STXBP6: variants seen among roughly 807,000 people sequenced by gnomAD.
The protein encoded by STXBP6 is syntaxin-binding protein 6.
STXBP6 carries 21 observed loss-of-function variants against 26.9 expected under a neutral mutation model. That is an observed-to-expected ratio of 0.78 (90% CI 0.55 to 1.12). STXBP6 has a LOEUF of 1.12. STXBP6 is among the 50% of genes most tolerant of loss of function. The probability of loss-of-function intolerance (pLI) is 0.00; values close to 1 mark genes in which losing one functional copy is unlikely to be tolerated. For synonymous variants in STXBP6, 97 were observed against 92.6 expected (o/e 1.05, Z -0.27); for missense variants, 232 against 257.9 (o/e 0.90, Z 0.69).
intron 1 of STXBP6, among the ~76,000 whole-genome samples, chr14:25,018,612 T>C (rs776385253): frequency 6.6e-6 from 1 of 152,184 alleles, no homozygotes; most frequent in Non-Finnish European, 1.5e-5. Flanking sequence ...AATGTTGGCA[T>C]AGCAGGAAAA....
chr14:25,035,091 C>T (rs1429797302), intron 1 of STXBP6, among the ~76,000 whole-genome samples: 2 of 149,430 alleles, frequency 1.3e-5, no homozygotes, highest in Non-Finnish European at 3.0e-5. Context: ...GCGGATGTTG[C>T]AGTGAGCCAA....
intron 2 of STXBP6, among the ~76,000 whole-genome samples, chr14:24,941,797 T>A (rs1020036288): frequency 6.6e-6 from 1 of 152,196 alleles, no homozygotes; most frequent in Non-Finnish European, 1.5e-5. Context: ...GAGAGTGCCA[T>A]TGCATGTTCT....
intron 4 of STXBP6, among the ~76,000 whole-genome samples, chr14:24,845,595 TA>T (rs1457272829): frequency 6.6e-6 from 1 of 152,174 alleles, no homozygotes; most frequent in South Asian, 2.1e-4. Flanking sequence ...GTATATCTTA[TA>T]AAAAATTAAA....
At chr14:24,852,965 T>C (rs1167784997) in intron 4 of STXBP6, among the ~76,000 whole-genome samples, 4 of 152,170 alleles carry the variant, frequency 2.6e-5, no homozygotes, top group Non-Finnish European at 5.9e-5. Context: ...TCTGATTCTG[T>C]TTCCTTCTCT....
At chr14:24,915,925 GCT>G (rs2071749459) in intron 2 of STXBP6, among the ~76,000 whole-genome samples, 1 of 152,064 alleles carries the variant, frequency 6.6e-6, no homozygotes, top group Non-Finnish European at 1.5e-5. Flanking sequence ...TTCTGAACCG[GCT>G]TTTTTAACAG....
chr14:24,854,316 A>G (rs1407075712), intron 4 of STXBP6, among the ~76,000 whole-genome samples: 2 of 152,074 alleles, frequency 1.3e-5, no homozygotes, highest in Non-Finnish European at 2.9e-5. Flanking sequence ...GAGGAAGTGC[A>G]GTAGTTTCTA....
intron 4 of STXBP6, among the ~76,000 whole-genome samples, chr14:24,832,601 A>G (rs1465103924): frequency 6.6e-6 from 1 of 152,202 alleles, no homozygotes; most frequent in African/African-American, 2.4e-5. Context: ...TTCCTGTGAC[A>G]TATTTTACTT....
At chr14:24,953,257 C>G (rs188935027) in intron 2 of STXBP6, among the ~76,000 whole-genome samples, 23 of 152,296 alleles carry the variant, frequency 1.5e-4, no homozygotes, top group Admixed American at 4.6e-4. Context: ...GTAGGCGCAG[C>G]AGGATGACGA....
intron 1 of STXBP6, among the ~76,000 whole-genome samples, chr14:25,044,491 C>T (rs567623585): frequency 6.6e-6 from 1 of 152,218 alleles, no homozygotes; most frequent in Non-Finnish European, 1.5e-5. Context: ...ACTTCCATGC[C>T]CCCGTCCAGT....
At chr14:24,857,192 G>C in intron 2 of STXBP6, 35 bp from the exon 3 acceptor site, 1 of 1,611,128 alleles carries the variant, frequency 6.2e-7, no homozygotes. Flanking sequence ...TAGTGCACCT[G>C]CAAGTTGGTG....
intron 1 of STXBP6, among the ~76,000 whole-genome samples, chr14:25,025,365 G>A (rs1374652984): frequency 6.6e-6 from 1 of 151,940 alleles, no homozygotes. Context: ...GATTCTTGGT[G>A]GTGTCTGCCC....
At chr14:25,029,886 T>A (rs1242730211) in intron 1 of STXBP6, among the ~76,000 whole-genome samples, 1 of 151,932 alleles carries the variant, frequency 6.6e-6, no homozygotes. Context: ...AGAACCTTTA[T>A]AACAGACACT....
intron 4 of STXBP6, among the ~76,000 whole-genome samples, chr14:24,840,123 G>C (rs1383684141): frequency 6.6e-6 from 1 of 152,200 alleles, no homozygotes; most frequent in East Asian, 1.9e-4. Context: ...CAAAAACCAT[G>C]GCTTAGACAG....
chr14:24,904,256 T>C (rs528395981), intron 2 of STXBP6, among the ~76,000 whole-genome samples: 1 of 152,298 alleles, frequency 6.6e-6, no homozygotes, highest in South Asian at 2.1e-4. Flanking sequence ...ATGTGAATAA[T>C]ATAGGTGAAT....
At chr14:24,889,150 T>C (rs531627263) in intron 2 of STXBP6, among the ~76,000 whole-genome samples, 1 of 152,006 alleles carries the variant, frequency 6.6e-6, no homozygotes, top group African/African-American at 2.4e-5. Flanking sequence ...GGGTTTCTAA[T>C]TGACTTTTAA....
intron 2 of STXBP6, among the ~76,000 whole-genome samples, chr14:24,880,098 A>C (rs2070301259): frequency 6.6e-6 from 1 of 152,184 alleles, no homozygotes; most frequent in Non-Finnish European, 1.5e-5. Context: ...TTAGTTACTG[A>C]ACTGGCATCT....
At chr14:25,014,758 G>A (rs1208983504) in intron 1 of STXBP6, among the ~76,000 whole-genome samples, 2 of 152,238 alleles carry the variant, frequency 1.3e-5, no homozygotes, top group Non-Finnish European at 2.9e-5. Flanking sequence ...TGTATTTATA[G>A]TATGATAACC....
intron 2 of STXBP6, among the ~76,000 whole-genome samples, chr14:24,911,029 T>C (rs1051179502): frequency 6.6e-6 from 1 of 152,214 alleles, no homozygotes; most frequent in African/African-American, 2.4e-5. Context: ...AACTATTTCA[T>C]AATTAAGAAA....
intron 1 of STXBP6, among the ~76,000 whole-genome samples, chr14:25,036,592 C>T (rs1387029465): frequency 6.6e-6 from 1 of 152,116 alleles, no homozygotes; most frequent in Non-Finnish European, 1.5e-5. Context: ...CGGTGGCTCA[C>T]GCCTGTAATC....
Sources: allele counts gnomAD v4.1 joint callset (sites outside exome capture counted in the v4.1 genomes callset), GRCh38; gene constraint gnomAD v4.1.1; transcripts MANE v1.5; gene names NCBI Gene and HGNC (gene_info 2026-07-23, HGNC 2026-07-21).